ENOX1: variants seen among roughly 807,000 people sequenced by gnomAD.
ENOX1 encodes ecto-NOX disulfide-thiol exchanger 1, also known as candidate growth-related and time keeping constitutive hydroquinone (NADH) oxidase.
In ENOX1, 42 loss-of-function variants were observed where a neutral mutation model predicts 82.5. That is an observed-to-expected ratio of 0.51 (90% CI 0.40 to 0.66). The LOEUF is 0.66. Ranked by LOEUF, ENOX1 falls within the 30% of genes least tolerant of loss-of-function variation. The pLI, the probability that ENOX1 is intolerant of heterozygous loss-of-function variation, is 0.00. For synonymous variants in ENOX1, 271 were observed against 282.2 expected, an observed-to-expected ratio of 0.96 and a Z score of 0.40; for missense variants, 608 against 811.6, an observed-to-expected ratio of 0.75 and a Z score of 3.05.
chr13:43,317,592 T>C (rs74612931), intron 11 of ENOX1, among the ~76,000 whole-genome samples: 2,305 of 152,096 alleles, frequency 0.015, 73 homozygotes, highest in African/African-American at 0.052. Flanking sequence ...GCTACATATA[T>C]AACTATTCAG....
At chr13:43,325,755 T>C (rs938415229) in intron 10 of ENOX1, among the ~76,000 whole-genome samples, 3 of 152,210 alleles carry the variant, frequency 2.0e-5, no homozygotes, top group African/African-American at 4.8e-5. Flanking sequence ...AAGCGTACAC[T>C]ACTCTGTGGA....
chr13:43,417,073 G>A (rs1399608755), intron 3 of ENOX1, among the ~76,000 whole-genome samples: 2 of 152,210 alleles, frequency 1.3e-5, no homozygotes, highest in Admixed American at 6.5e-5. Flanking sequence ...GTCAGGCGTG[G>A]TGGCGTGCGC....
intron 2 of ENOX1, among the ~76,000 whole-genome samples, chr13:43,646,832 G>A (rs186516545): frequency 5.9e-5 from 9 of 152,198 alleles, no homozygotes; most frequent in South Asian, 2.1e-4. Context: ...AGATAGTAAC[G>A]GGCAACGTTT....
intron 2 of ENOX1, among the ~76,000 whole-genome samples, chr13:43,536,217 G>A (rs1021285982): frequency 3.3e-5 from 5 of 152,182 alleles, no homozygotes; most frequent in Non-Finnish European, 7.3e-5. Context: ...ACTTAAACTA[G>A]AAATGATTGG....
intron 2 of ENOX1, among the ~76,000 whole-genome samples, chr13:43,551,637 C>T (rs917159280): frequency 1.8e-4 from 28 of 152,094 alleles, no homozygotes; most frequent in South Asian, 2.1e-4. Context: ...TTTGATAATA[C>T]GATGACTGAA....
chr13:43,530,698 T>G (rs969630023), intron 2 of ENOX1, among the ~76,000 whole-genome samples: 1 of 152,174 alleles, frequency 6.6e-6, no homozygotes, highest in Admixed American at 6.6e-5. Flanking sequence ...TGGCTACTTT[T>G]AAATCTTCAA....
intron 3 of ENOX1, among the ~76,000 whole-genome samples, chr13:43,416,473 CA>C (rs2054577544): frequency 7.1e-6 from 1 of 140,982 alleles, no homozygotes; most frequent in Non-Finnish European, 1.5e-5. Flanking sequence ...GGTGGCCGGG[CA>C]GAGGCGCTCC....
intron 5 of ENOX1, among the ~76,000 whole-genome samples, chr13:43,362,936 G>T (rs1265691053): frequency 6.6e-6 from 1 of 152,062 alleles, no homozygotes; most frequent in Non-Finnish European, 1.5e-5. Flanking sequence ...TAAAAGAAAA[G>T]AACCCTAAAT....
At chr13:43,752,000 G>T (rs1335619086) in intron 1 of ENOX1, among the ~76,000 whole-genome samples, 1 of 152,202 alleles carries the variant, frequency 6.6e-6, no homozygotes, top group Non-Finnish European at 1.5e-5. Flanking sequence ...CCCACTAACA[G>T]TGTGTGAAAA....
chr13:43,745,619 T>C (rs1342699543), intron 1 of ENOX1, among the ~76,000 whole-genome samples: 1 of 152,200 alleles, frequency 6.6e-6, no homozygotes, highest in Non-Finnish European at 1.5e-5. Context: ...AGATAACATA[T>C]TAAATGAATT....
intron 1 of ENOX1, among the ~76,000 whole-genome samples, chr13:43,737,535 G>A (rs1048689282): frequency 1.9e-4 from 29 of 152,156 alleles, no homozygotes; most frequent in Non-Finnish European, 7.3e-5. Context: ...ATACCAAATA[G>A]ATGGGAACCC....
In ENOX1 at chr13:43,408,720, G is replaced by A. The variant is rs145492130; in HGVS notation, c.208+3196C>T. Among the ~76,000 whole-genome samples the A allele has an allele frequency of 8.6e-5, 13 of 152,018 alleles. No individual in the cohort carries two copies. The East Asian group carries it at 2.5e-3, about 29-fold the overall frequency. On this transcript the variant is annotated intron_variant, in intron 5 of 16. Coordinates refer to ENST00000690772, the MANE Select transcript of ENOX1 (RefSeq NM_001347969.2). ...AGAACCATAAGAACTGAAACAATGTGGTCTTGGAATAAAAATAGATAAATC... is the reference window on the plus strand; with the variant it reads ...AGAACCATAAGAACTGAAACAATGTAGTCTTGGAATAAAAATAGATAAATC...
At chr13:43,631,639 C>T (rs1436021057) in intron 2 of ENOX1, among the ~76,000 whole-genome samples, 2 of 152,144 alleles carry the variant, frequency 1.3e-5, no homozygotes, top group African/African-American at 2.4e-5. Context: ...TTCCATACCA[C>T]GAGGAAACAG....
At chr13:43,321,019 T>C (rs891716140) in intron 11 of ENOX1, 1 of 456,080 alleles carries the variant, frequency 2.2e-6, no homozygotes, top group Non-Finnish European at 4.4e-6. Flanking sequence ...CATTGACACA[T>C]AAGTGCTGGG....
At chr13:43,703,646 ACAAAC>A (rs1247283662) in intron 1 of ENOX1, among the ~76,000 whole-genome samples, 2 of 152,176 alleles carry the variant, frequency 1.3e-5, no homozygotes, top group African/African-American at 4.8e-5. Flanking sequence ...AAAATATATA[ACAAAC>A]AGGCAATATG....
chr13:43,390,399 C>T (rs1204913718), intron 5 of ENOX1, among the ~76,000 whole-genome samples: 1 of 151,968 alleles, frequency 6.6e-6, no homozygotes. Context: ...AAGGAGAATG[C>T]CTGCAAAAAT....
chr13:43,696,141 GAAT>G (rs1274209714), intron 1 of ENOX1, among the ~76,000 whole-genome samples: 1 of 152,122 alleles, frequency 6.6e-6, no homozygotes, highest in African/African-American at 2.4e-5. Context: ...TTTGATGCCA[GAAT>G]AATATTTCAT....
chr13:43,779,718 C>T (rs1952140778), intron 1 of ENOX1, among the ~76,000 whole-genome samples: 4 of 152,184 alleles, frequency 2.6e-5, no homozygotes, highest in African/African-American at 9.7e-5. Context: ...CTTTGGTGGA[C>T]TCTACCAGGT....
intron 2 of ENOX1, chr13:43,609,908 T>C (rs2082127644): frequency 2.0e-6 from 2 of 982,272 alleles, no homozygotes; most frequent in Non-Finnish European, 1.2e-6. Flanking sequence ...AATTTTTCCA[T>C]CTTCTGTCCA....
Sources: allele counts gnomAD v4.1 joint callset (sites outside exome capture counted in the v4.1 genomes callset), GRCh38; gene constraint gnomAD v4.1.1; transcripts MANE v1.5; gene names NCBI Gene and HGNC (gene_info 2026-07-23, HGNC 2026-07-21).